MAPK14: variants seen among roughly 807,000 people sequenced by gnomAD.
MAPK14 encodes mitogen-activated protein kinase 14.
In MAPK14, 16 loss-of-function variants were observed where a neutral mutation model predicts 49.6. The observed-to-expected ratio is 0.32, with a 90% CI of 0.22 to 0.49. The LOEUF (loss-of-function observed/expected upper bound fraction) is 0.49. Among genes scored for constraint, MAPK14 ranks in the 20% least tolerant of loss-of-function variants. MAPK14 has a pLI of 0.99. For synonymous variants in MAPK14, 142 were observed against 158.0 expected (o/e 0.90, Z 0.76); for missense variants, 200 against 441.2 (o/e 0.45, Z 4.90).
intron 1 of MAPK14, among the ~76,000 whole-genome samples, chr6:36,043,476 C>T (rs1049954178): frequency 6.6e-6 from 1 of 152,124 alleles, no homozygotes; most frequent in Admixed American, 6.5e-5. Flanking sequence ...ACAGAGCATC[C>T]GCTTCAGAGC....
chr6:36,112,389 TGTG>T (rs903916612), downstream of MAPK14, among the ~76,000 whole-genome samples: 2 of 152,174 alleles, frequency 1.3e-5, no homozygotes, highest in African/African-American at 4.8e-5. Context: ...AAATTTCATA[TGTG>T]GTGGACACTG....
At chr6:36,045,624 C>T (rs148707147) in intron 1 of MAPK14, among the ~76,000 whole-genome samples, 6 of 151,854 alleles carry the variant, frequency 4.0e-5, no homozygotes, top group South Asian at 4.2e-4. Flanking sequence ...CTGGCTAACA[C>T]GGTGAAACCC....
intron 3 of MAPK14, 63 bp from the exon 4 acceptor site, chr6:36,072,810 T>C: frequency 1.1e-6 from 1 of 912,400 alleles, no homozygotes; most frequent in Non-Finnish European, 1.7e-6. Flanking sequence ...TATAAAAGTC[T>C]TCTGAAGATA....
At chr6:36,070,173 A>T (rs1157745898) in intron 3 of MAPK14, among the ~76,000 whole-genome samples, 1 of 152,234 alleles carries the variant, frequency 6.6e-6, no homozygotes, top group Non-Finnish European at 1.5e-5. Flanking sequence ...TAAGGAAATT[A>T]TTCAGACATA....
chr6:36,079,458 G>A (rs200695925), intron 8 of MAPK14, among the ~76,000 whole-genome samples: 1 of 151,954 alleles, frequency 6.6e-6, no homozygotes. Flanking sequence ...AATGTCCTGG[G>A]CCACACATAA....
In MAPK14 at chr6:36,028,130, C is replaced by T; in HGVS notation, c.-28C>T. On this transcript the variant is annotated 5_prime_UTR_variant, in exon 1 of 12. Coordinates refer to ENST00000229794, the MANE Select transcript of MAPK14 (RefSeq NM_139012.3). This position sits in a 1 kb window ranked among gnomAD's most constrained non-coding sequence, Gnocchi z 5.1. ...GCAGGCGGGGGCCCCACAGGGCCAC[C>T]TTCTTGCCCGGCGGCTGCCGCTGGA... 6.4e-7 allele frequency: 1 copy of T among 1,560,080 alleles called. No homozygotes were observed. The highest frequency in any genetic ancestry group is 8.8e-7 in the Non-Finnish European group (1 of 1,133,936).
At chr6:36,064,770 T>C (rs1158360389) in intron 3 of MAPK14, among the ~76,000 whole-genome samples, 3 of 152,236 alleles carry the variant, frequency 2.0e-5, no homozygotes, top group African/African-American at 7.2e-5. Flanking sequence ...ACAGTAATAG[T>C]CTCTGAGGAA....
chr6:36,099,104 G>A (rs910207261), intron 9 of MAPK14, among the ~76,000 whole-genome samples: 3 of 152,176 alleles, frequency 2.0e-5, no homozygotes, highest in African/African-American at 7.2e-5. Flanking sequence ...TTCAGAGGAC[G>A]AGCTAAAGTA....
intron 5 of MAPK14, 99 bp from the exon 6 acceptor site, chr6:36,073,946 CTGGA>C: frequency 1.0e-6 from 1 of 962,462 alleles, no homozygotes; most frequent in East Asian, 2.4e-5. Flanking sequence ...CTTTTGATAG[CTGGA>C]TGAAGTCTTT....
chr6:36,070,954 A>T (rs1764247237), intron 3 of MAPK14, among the ~76,000 whole-genome samples: 1 of 152,210 alleles, frequency 6.6e-6, no homozygotes, highest in African/African-American at 2.4e-5. Context: ...CATTCTTTAT[A>T]GCTCAGCTGA....
In MAPK14 at chr6:36,028,082, A is replaced by G. The variant is rs1762377933; in HGVS notation, c.-76A>G. The G allele has an allele frequency of 2.1e-6, 2 of 941,854 alleles. No individual in the cohort carries two copies. Among genetic ancestry groups the G allele is most frequent in the Admixed American group, 4.7e-5 (2 of 42,566 alleles). 58.3% of individuals were successfully genotyped at this position (941,854 alleles called of 1,614,324 possible). A position where few individuals can be genotyped will look rare whatever the true frequency, so the allele number is the denominator to read the frequency against. On this transcript the variant is annotated 5_prime_UTR_variant, in exon 1 of 12. Coordinates refer to ENST00000229794, the MANE Select transcript of MAPK14 (RefSeq NM_139012.3). This position sits in a 1 kb window ranked among gnomAD's most constrained non-coding sequence, Gnocchi z 5.1. ...TCCCCGCCCGGCTGGGCGGGCAGCA[A>G]GGGCCGGGGAGAGGGTGCGGGTGCA...
At chr6:36,120,466 A>G in the MAPK14 span, among the ~76,000 whole-genome samples, 10 of 151,860 alleles carry the variant, frequency 6.6e-5, no homozygotes, top group African/African-American at 2.4e-4. Context: ...ATACTCTCCA[A>G]ATCTGAGACA....
the MAPK14 span, among the ~76,000 whole-genome samples, chr6:36,121,041 G>A: frequency 1.3e-5 from 2 of 152,258 alleles, no homozygotes; most frequent in East Asian, 3.9e-4. Flanking sequence ...TGAGCAGGTT[G>A]TAAGGAACGA....
chr6:36,052,903 T>C, intron 2 of MAPK14, 75 bp downstream of exon 2: 1 of 1,362,022 alleles, frequency 7.3e-7, no homozygotes, highest in Non-Finnish European at 1.0e-6. Context: ...TTACTGCAGA[T>C]GGAAATACGC....
chr6:36,047,691 C>T (rs1763233438), intron 1 of MAPK14, among the ~76,000 whole-genome samples: 1 of 152,048 alleles, frequency 6.6e-6, no homozygotes, highest in Admixed American at 6.5e-5. Context: ...AATCTTCCTG[C>T]CTCAGCCTCC....
intron 1 of MAPK14, among the ~76,000 whole-genome samples, chr6:36,041,764 A>G (rs1762969116): frequency 6.6e-6 from 1 of 152,258 alleles, no homozygotes; most frequent in Non-Finnish European, 1.5e-5. Flanking sequence ...TTTGAAATAT[A>G]TAGGTATAAA....
intron 1 of MAPK14, among the ~76,000 whole-genome samples, chr6:36,039,193 CCT>C (rs1366312208): frequency 2.0e-5 from 3 of 152,208 alleles, no homozygotes; most frequent in Admixed American, 6.5e-5. Flanking sequence ...GATGTAAACC[CCT>C]CTCCTCTTTT....
chr6:36,117,055 C>T, the MAPK14 span, among the ~76,000 whole-genome samples: 9 of 152,188 alleles, frequency 5.9e-5, no homozygotes, highest in Non-Finnish European at 1.3e-4. Flanking sequence ...TAAGGACTCC[C>T]TGGCTGCTGC....
intron 1 of MAPK14, among the ~76,000 whole-genome samples, chr6:36,047,503 G>C (rs1051240286): frequency 6.6e-6 from 1 of 152,220 alleles, no homozygotes; most frequent in Non-Finnish European, 1.5e-5. Flanking sequence ...GTATGCCAAG[G>C]AGATTCCTTG....
Sources: gnomAD v4.1 joint callset for allele counts (sites outside exome capture counted in the v4.1 genomes callset) on GRCh38, gnomAD v4.1.1 for gene constraint, Gnocchi (gnomAD v3.1) non-coding constraint, MANE v1.5 for transcripts, NCBI Gene and HGNC (gene_info 2026-07-23, HGNC 2026-07-21) for gene names.